CLMN: variants seen among roughly 807,000 people sequenced by gnomAD.
CLMN encodes the protein calmin (calponin-like, transmembrane).
In CLMN, 57 loss-of-function variants were observed where a neutral mutation model predicts 92.7. The observed-to-expected ratio is 0.61, with a 90% CI of 0.50 to 0.77. The LOEUF (loss-of-function observed/expected upper bound fraction) is 0.77. Ranked by LOEUF, CLMN falls within the 30% of genes least tolerant of loss-of-function variation. The pLI is 0.00. For synonymous variants in CLMN, 466 were observed against 470.6 expected, an observed-to-expected ratio of 0.99 and a Z score of 0.13; for missense variants, 1,158 against 1,237.5, an observed-to-expected ratio of 0.94 and a Z score of 0.96.
intron 1 of CLMN, among the ~76,000 whole-genome samples, chr14:95,301,039 T>C (rs904947644): frequency 2.6e-5 from 4 of 152,262 alleles, no homozygotes; most frequent in Non-Finnish European, 5.9e-5. Flanking sequence ...TAAGTAATTT[T>C]CCATGAAGTA....
chr14:95,238,752 G>C (rs1029348778), intron 1 of CLMN, among the ~76,000 whole-genome samples: 2 of 152,020 alleles, frequency 1.3e-5, no homozygotes, highest in Non-Finnish European at 1.5e-5. Context: ...ATACATGCCC[G>C]CAGAGACTCA....
At chr14:95,242,151 T>C (rs766749089) in intron 1 of CLMN, among the ~76,000 whole-genome samples, 5 of 144,524 alleles carry the variant, frequency 3.5e-5, no homozygotes, top group East Asian at 1.9e-4. Context: ...CTGGGGAAAT[T>C]TGAAAAAAAA....
At position 95,203,183 on chromosome 14, in the gene CLMN, A is replaced by G; in HGVS notation, c.2166T>C (p.Ile722=). The part of the protein sequence containing the change: ...PSPPLSKVSV[I]PHDLFYFPHY... ...GTGGGAAATAGAAGAGGTCGTGGGG[A>G]ATGACGGAAACCTTTGAGAGGGGTG... The change falls in exon 9 of 13, where the codon ATT becomes ATC. Residue 722 remains isoleucine, a synonymous_variant. Coordinates refer to ENST00000298912, the MANE Select transcript of CLMN (RefSeq NM_024734.4). The G allele has an allele frequency of 6.2e-7, 1 of 1,613,090 alleles. No individual in the cohort carries two copies. Among genetic ancestry groups the G allele is most frequent in the Non-Finnish European group, 8.5e-7 (1 of 1,180,008 alleles).
chr14:95,219,513 G>A (rs904328096), intron 4 of CLMN, among the ~76,000 whole-genome samples: 1 of 152,192 alleles, frequency 6.6e-6, no homozygotes, highest in Non-Finnish European at 1.5e-5. Flanking sequence ...GGTCTGGCTG[G>A]TGCATGGCTA....
At position 95,188,463 on chromosome 14, in the gene CLMN, A is replaced by G. The variant is rs1234000303; in HGVS notation, c.*3101T>C. On this transcript the variant is annotated 3_prime_UTR_variant, in exon 13 of 13. Coordinates refer to ENST00000298912, the MANE Select transcript of CLMN (RefSeq NM_024734.4). ...AATTCAATAAAACATTCAGATTGGGAAGATAAAAATGAATAATTCTTCCTG... is the reference window on the plus strand; with the variant it reads ...AATTCAATAAAACATTCAGATTGGGGAGATAAAAATGAATAATTCTTCCTG... The G allele has an allele frequency of 1.3e-5, 2 of 152,240 alleles. No individual in the cohort carries two copies. Among genetic ancestry groups the G allele is most frequent in the Non-Finnish European group, 2.9e-5 (2 of 68,046 alleles). 9.4% of individuals were successfully genotyped at this position (152,240 alleles called of 1,614,324 possible).
intron 2 of CLMN, among the ~76,000 whole-genome samples, chr14:95,229,403 C>T (rs188661268): frequency 1.2e-3 from 186 of 152,124 alleles, no homozygotes; most frequent in Admixed American, 2.0e-3. Flanking sequence ...TCAAAACAGC[C>T]GGGCCAAAGA....
At chr14:95,312,053 G>A (rs1386095817) in intron 1 of CLMN, among the ~76,000 whole-genome samples, 2 of 150,240 alleles carry the variant, frequency 1.3e-5, no homozygotes, top group Admixed American at 6.6e-5. Flanking sequence ...GCCTGTTGCC[G>A]CCACCGTGTT....
chr14:95,292,847 G>A lies in CLMN; in HGVS notation c.82+26864C>T, dbSNP rs74077841. Among the ~76,000 whole-genome samples, 643 of 152,240 alleles carry A rather than the reference G, an allele frequency of 4.2e-3. 3 individuals carry two copies. The highest frequency in any genetic ancestry group is 0.015 in the African/African-American group (606 of 41,526). On this transcript the variant is annotated intron_variant, in intron 1 of 12. Coordinates refer to ENST00000298912, the MANE Select transcript of CLMN (RefSeq NM_024734.4). ...AAAGCGCAGGCCTGTGAGAGCACGG[G>A]TGCCCGGTGTGGGTCTGCTCCTCCA...
At chr14:95,247,095 G>A (rs1898602676) in intron 1 of CLMN, among the ~76,000 whole-genome samples, 1 of 147,316 alleles carries the variant, frequency 6.8e-6, no homozygotes, top group Admixed American at 6.6e-5. Flanking sequence ...AAGGTACTCA[G>A]GAATCAGTGT....
chr14:95,304,444 T>C (rs1262225065), intron 1 of CLMN, among the ~76,000 whole-genome samples: 1 of 151,754 alleles, frequency 6.6e-6, no homozygotes, highest in East Asian at 1.9e-4. Flanking sequence ...CGGGAATTAG[T>C]GGTGGCAGGT....
rs750543097 is a variant in CLMN, at chr14:95,204,220, T to C, written c.1129A>G (p.Thr377Ala). The C allele has an allele frequency of 2.5e-6, 4 of 1,614,138 alleles. No homozygotes were observed. The highest frequency in any genetic ancestry group is 2.2e-5 in the East Asian group (1 of 44,890). ...VSSHALSDSS[T>A]EFMHQIIDQV... ...TCAATAATCTGGTGCATGAACTCGG[T>C]GGAGCTGTCTGACAGCGCATGGCTG... The change falls in exon 9 of 13, where the codon ACC (threonine) becomes GCC (alanine). Residue 377 changes from threonine to alanine, a missense_variant. Coordinates refer to ENST00000298912, the MANE Select transcript of CLMN (RefSeq NM_024734.4).
intron 1 of CLMN, among the ~76,000 whole-genome samples, chr14:95,245,875 G>A (rs1898548907): frequency 6.9e-6 from 1 of 145,654 alleles, no homozygotes; most frequent in African/African-American, 2.6e-5. Flanking sequence ...TGCATGGATG[G>A]ATGGATGGAT....
intron 8 of CLMN, among the ~76,000 whole-genome samples, chr14:95,206,176 G>A (rs1264792531): frequency 6.6e-6 from 1 of 152,088 alleles, no homozygotes; most frequent in Non-Finnish European, 1.5e-5. Context: ...CAAGATGGGG[G>A]AAATTTTATA....
At chr14:95,293,366 C>T (rs1042548198) in intron 1 of CLMN, among the ~76,000 whole-genome samples, 1 of 46,116 alleles carries the variant, frequency 2.2e-5, no homozygotes, top group African/African-American at 7.0e-5. Context: ...TCCTCCCTCC[C>T]TCCTTCCTTC....
chr14:95,232,218 C>T (rs1032599202), intron 1 of CLMN, among the ~76,000 whole-genome samples: 1 of 152,248 alleles, frequency 6.6e-6, no homozygotes, highest in Non-Finnish European at 1.5e-5. Flanking sequence ...CCTGAGGCTG[C>T]AGCCTCCTCG....
chr14:95,199,049 A>ATTCCACGGTTG (rs1007712585), intron 9 of CLMN: 1 of 152,226 alleles, frequency 6.6e-6, no homozygotes, highest in Non-Finnish European at 1.5e-5. Context: ...AGAGCCATCC[A>ATTCCACGGTTG]GCCCTCTTCC....
chr14:95,289,506 T>TAAATAAATAAACAAAC (rs1555394622), intron 1 of CLMN, among the ~76,000 whole-genome samples: 2 of 65,904 alleles, frequency 3.0e-5, no homozygotes, highest in South Asian at 1.4e-3. Flanking sequence ...AATAAATAAA[T>TAAATAAATAAACAAAC]AAACAAACAA....
At chr14:95,209,554 TGAA>T (rs1897137730) in intron 7 of CLMN, 77 bp from the exon 8 acceptor site, 1 of 1,119,140 alleles carries the variant, frequency 8.9e-7, no homozygotes, top group African/African-American at 1.5e-5. Flanking sequence ...TGCCTGATGG[TGAA>T]GAATCCCACA....
At chr14:95,227,553 C>T (rs1897751525) in intron 2 of CLMN, among the ~76,000 whole-genome samples, 1 of 152,208 alleles carries the variant, frequency 6.6e-6, no homozygotes, top group African/African-American at 2.4e-5. Context: ...CCGGCCGTGG[C>T]CAAGCCTTAC....
Sources: gnomAD v4.1 joint callset for allele counts (sites outside exome capture counted in the v4.1 genomes callset) on GRCh38, gnomAD v4.1.1 for gene constraint, MANE v1.5 for transcripts, NCBI Gene and HGNC (gene_info 2026-07-23, HGNC 2026-07-21) for gene names.